Variants in FOXP2 observed in about 807,000 individuals in gnomAD.
FOXP2 encodes forkhead box protein P2.
FOXP2 carries 12 observed loss-of-function variants against 115.8 expected under a neutral mutation model. The observed-to-expected ratio is 0.10, with a 90% CI of 0.07 to 0.17. The LOEUF is 0.17. Ranked by LOEUF, FOXP2 falls within the 10% of genes least tolerant of loss-of-function variation. The pLI is 1.00. For missense variants in FOXP2, 629 were observed against 843.5 expected (o/e 0.75, Z 3.15); for synonymous variants, 328 against 297.7 (o/e 1.10, Z -1.05).
At chr7:114,187,526 C>A (rs1793639741) in intron 1 of FOXP2, among the ~76,000 whole-genome samples, 1 of 152,184 alleles carries the variant, frequency 6.6e-6, no homozygotes, top group African/African-American at 2.4e-5. Context: ...TATCTCTAGG[C>A]AGATTCAGAT....
chr7:114,312,149 G>A (rs1338498093), intron 2 of FOXP2, among the ~76,000 whole-genome samples: 1 of 152,146 alleles, frequency 6.6e-6, no homozygotes, highest in African/African-American at 2.4e-5. Context: ...TCTCCATATT[G>A]AATAGGGAGG....
At chr7:114,581,264 A>G (rs1801855949) in intron 3 of FOXP2, among the ~76,000 whole-genome samples, 1 of 151,246 alleles carries the variant, frequency 6.6e-6, no homozygotes, top group African/African-American at 2.4e-5. Flanking sequence ...GCTCACTGCA[A>G]CCTCTGCCTC....
At chr7:114,249,579 G>A (rs1795382656) in intron 1 of FOXP2, among the ~76,000 whole-genome samples, 1 of 152,136 alleles carries the variant, frequency 6.6e-6, no homozygotes, top group Non-Finnish European at 1.5e-5. Context: ...ATTCCATTGT[G>A]TGTATGTATC....
At chr7:114,570,990 T>C in intron 3 of FOXP2, 1 of 915,948 alleles carries the variant, frequency 1.1e-6, no homozygotes, top group Non-Finnish European at 1.8e-6. Context: ...CTTCCATTGG[T>C]GCAGATAATC....
intron 2 of FOXP2, among the ~76,000 whole-genome samples, chr7:114,295,655 C>G (rs1280658474): frequency 6.6e-6 from 1 of 152,144 alleles, no homozygotes; most frequent in African/African-American, 2.4e-5. Flanking sequence ...CTGTAGGTGT[C>G]ATGTAAAATG....
At chr7:114,636,868 T>G (rs1457366218) in intron 6 of FOXP2, among the ~76,000 whole-genome samples, 1 of 152,144 alleles carries the variant, frequency 6.6e-6, no homozygotes, top group East Asian at 1.9e-4. Context: ...AAACTCTGAA[T>G]ATGGGATTAA....
chr7:114,188,060 G>C (rs547940079), intron 1 of FOXP2, among the ~76,000 whole-genome samples: 1 of 152,128 alleles, frequency 6.6e-6, no homozygotes, highest in Admixed American at 6.5e-5. Flanking sequence ...ACATGCAAAC[G>C]ATAGCAATAG....
chr7:114,269,732 T>C (rs1204097836), intron 1 of FOXP2, among the ~76,000 whole-genome samples: 1 of 152,234 alleles, frequency 6.6e-6, no homozygotes, highest in Non-Finnish European at 1.5e-5. Flanking sequence ...GATTCTGTTG[T>C]TTATTGTTAA....
chr7:114,282,454 A>T (rs1376997068), intron 1 of FOXP2, among the ~76,000 whole-genome samples: 1 of 152,162 alleles, frequency 6.6e-6, no homozygotes, highest in East Asian at 1.9e-4. Flanking sequence ...CCTTTGAACA[A>T]TCATTGAATT....
At chr7:114,497,876 A>G (rs1797392850) in intron 2 of FOXP2, among the ~76,000 whole-genome samples, 1 of 152,130 alleles carries the variant, frequency 6.6e-6, no homozygotes, top group Non-Finnish European at 1.5e-5. Context: ...ATCCTTTGGA[A>G]TAAGATGGAG....
At chr7:114,214,547 G>A (rs956610665) in intron 1 of FOXP2, among the ~76,000 whole-genome samples, 2 of 152,206 alleles carry the variant, frequency 1.3e-5, no homozygotes, top group South Asian at 2.1e-4. Context: ...AAGTTCAGAG[G>A]CCTGTAATAA....
chr7:114,388,798 A>G (rs1167981771), intron 2 of FOXP2, among the ~76,000 whole-genome samples: 2 of 152,210 alleles, frequency 1.3e-5, no homozygotes, highest in African/African-American at 4.8e-5. Context: ...GTTAAAATGC[A>G]TATATTAGAA....
At chr7:114,677,180 A>C (rs4730638) in intron 16 of FOXP2, among the ~76,000 whole-genome samples, 36 of 148,018 alleles carry the variant, frequency 2.4e-4, no homozygotes, top group African/African-American at 7.2e-4. Flanking sequence ...AACAAAAAAA[A>C]AAAAAACAAA....
chr7:114,161,328 G>A (rs892551805), upstream of FOXP2, among the ~76,000 whole-genome samples: 7 of 152,040 alleles, frequency 4.6e-5, no homozygotes, highest in African/African-American at 1.7e-4. Context: ...ATTTCACCTT[G>A]AAATAATTTT....
At chr7:114,544,089 C>A (rs565370936) in intron 3 of FOXP2, among the ~76,000 whole-genome samples, 1 of 152,130 alleles carries the variant, frequency 6.6e-6, no homozygotes. Context: ...ATCCTGGGCT[C>A]AAGTGATTCT....
At chr7:114,333,269 G>C (rs2129183234) in intron 2 of FOXP2, among the ~76,000 whole-genome samples, 1 of 152,238 alleles carries the variant, frequency 6.6e-6, no homozygotes, top group East Asian at 1.9e-4. Flanking sequence ...TAACCAGCTG[G>C]TAACTTCCAT....
intron 15 of FOXP2, among the ~76,000 whole-genome samples, chr7:114,663,736 T>A (rs1181375376): frequency 6.6e-6 from 1 of 152,098 alleles, no homozygotes; most frequent in Non-Finnish European, 1.5e-5. Context: ...TCTGGAACAT[T>A]CGGTTTTTCT....
intron 3 of FOXP2, among the ~76,000 whole-genome samples, chr7:114,535,429 G>A (rs1799335876): frequency 6.6e-6 from 1 of 151,376 alleles, no homozygotes; most frequent in Admixed American, 6.6e-5. Flanking sequence ...GTGTTCACCA[G>A]CTCTGTTGAA....
rs1036126346 is a variant in FOXP2, at chr7:114,262,435, A to G, written c.-101-25584A>G. ...CTAAATAAAAGGTACTATGCTTAGT[A>G]CTTGGGTGATGGGATCATTCATACC... On this transcript the variant is annotated intron_variant, in intron 1 of 17. Coordinates refer to the FOXP2 transcript ENST00000634411. 5.9e-5 allele frequency among the ~76,000 whole-genome samples: 9 copies of G among 152,172 alleles called. No homozygotes were observed. The East Asian group carries it at 1.5e-3, about 26-fold the overall frequency.
Sources: gnomAD v4.1 joint callset for allele counts (sites outside exome capture counted in the v4.1 genomes callset) on GRCh38, gnomAD v4.1.1 for gene constraint, MANE v1.5 for transcripts, NCBI Gene and HGNC (gene_info 2026-07-23, HGNC 2026-07-21) for gene names.